The following LPP variants were observed in gnomAD, a reference collection of about 807,000 sequenced individuals.
LPP encodes lipoma-preferred partner.
A neutral mutation model predicts 60.4 loss-of-function variants in LPP; 38 were observed. The ratio of observed to expected loss-of-function variants is 0.63; its 90% CI spans 0.49 to 0.83. The LOEUF (loss-of-function observed/expected upper bound fraction) is 0.83, where lower values mean the gene tolerates loss of function less well. Ranked by LOEUF, LPP falls within the 40% of genes least tolerant of loss-of-function variation. The probability of loss-of-function intolerance (pLI) is 0.00; values close to 1 mark genes in which losing one functional copy is unlikely to be tolerated. For missense variants in LPP, 902 were observed against 783.6 expected, an observed-to-expected ratio of 1.15 and a Z score of -1.80; for synonymous variants, 328 against 290.8, an observed-to-expected ratio of 1.13 and a Z score of -1.30.
intron 6 of LPP, among the ~76,000 whole-genome samples, chr3:188,586,813 C>T (rs1368613231): frequency 1.3e-5 from 2 of 151,508 alleles, no homozygotes; most frequent in East Asian, 1.9e-4. Flanking sequence ...CTGCAACCTC[C>T]ACCTCCTGGG....
chr3:188,701,453 A>G (rs1446553915), intron 7 of LPP, among the ~76,000 whole-genome samples: 1 of 152,248 alleles, frequency 6.6e-6, no homozygotes, highest in African/African-American at 2.4e-5. Flanking sequence ...TCAATTTCCC[A>G]TGACTTTCAA....
intron 3 of LPP, among the ~76,000 whole-genome samples, chr3:188,378,979 G>A (rs1362422754): frequency 7.9e-5 from 12 of 152,116 alleles, no homozygotes; most frequent in Admixed American, 1.3e-4. Context: ...GTGTGGGCAG[G>A]GCCACTGCTT....
At position 188,324,077 on chromosome 3, in the gene LPP, A is replaced by G. The variant is rs1477929226; in HGVS notation, c.-66-17586A>G. On this transcript the variant is annotated intron_variant, in intron 2 of 11. Transcript: ENST00000617246. ...TATCTATAACTACAATAATTTCCCT[A>G]GCCTTATTTTATAGGGATAGGTTGT... Among the ~76,000 whole-genome samples, 4 of 152,298 alleles carry G rather than the reference A, an allele frequency of 2.6e-5. No homozygotes were observed. In the East Asian group the frequency reaches 7.7e-4, roughly 29 times the overall value.
chr3:188,355,017 T>C (rs1308662687), intron 3 of LPP, among the ~76,000 whole-genome samples: 2 of 152,186 alleles, frequency 1.3e-5, no homozygotes, highest in Non-Finnish European at 2.9e-5. Flanking sequence ...TTGTTTTTTC[T>C]TTTTTGTTTT....
intron 1 of LPP, among the ~76,000 whole-genome samples, chr3:188,205,684 G>A (rs754249165): frequency 2.0e-5 from 3 of 152,174 alleles, no homozygotes; most frequent in Non-Finnish European, 4.4e-5. Context: ...AAAATGCAGA[G>A]CTGCTTGTTA....
intron 9 of LPP, 97 bp from the exon 10 acceptor site, chr3:188,866,103 A>T: frequency 1.0e-6 from 1 of 977,168 alleles, no homozygotes; most frequent in Non-Finnish European, 1.4e-6. Flanking sequence ...GAGTGGTGTG[A>T]TAAGGACCTG....
At chr3:188,305,707 G>A (rs1577983595) in intron 2 of LPP, among the ~76,000 whole-genome samples, 1 of 152,192 alleles carries the variant, frequency 6.6e-6, no homozygotes, top group African/African-American at 2.4e-5. Flanking sequence ...AAGAGGAGCA[G>A]GTTTTATTGT....
chr3:188,423,661 C>T (rs1788488980), intron 4 of LPP, among the ~76,000 whole-genome samples: 1 of 152,198 alleles, frequency 6.6e-6, no homozygotes, highest in African/African-American at 2.4e-5. Flanking sequence ...GATGGTATCT[C>T]ACTGTGGTTT....
chr3:188,577,744 TGTTCCTTC>T (rs71169008), intron 6 of LPP, among the ~76,000 whole-genome samples: 2 of 41,428 alleles, frequency 4.8e-5, no homozygotes, highest in African/African-American at 1.1e-4. Flanking sequence ...TTCCTTCCTT[TGTTCCTTC>T]GTTCCTTCGT....
chr3:188,396,520 C>A (rs1037338645), intron 3 of LPP, among the ~76,000 whole-genome samples: 1 of 152,158 alleles, frequency 6.6e-6, no homozygotes, highest in Non-Finnish European at 1.5e-5. Flanking sequence ...AACTTGCAGA[C>A]TTACACAGTT....
At position 188,495,082 on chromosome 3, in the gene LPP, A is replaced by ATATTTT. The variant is rs1342207321; in HGVS notation, c.306+10379_306+10380insATTTTT. Among the ~76,000 whole-genome samples, 721 of 97,246 alleles carry ATATTTT rather than the reference A, an allele frequency of 7.4e-3. 42 individuals are homozygous for ATATTTT. Among genetic ancestry groups the ATATTTT allele is most frequent in the African/African-American group, 0.028 (701 of 25,084 alleles). 63.8% of individuals were successfully genotyped at this position (97,246 alleles called of 152,430 possible). ...CAGGATTTTATATATATATATATAT[A>ATATTTT]TTTTATTTATATTTTATTATATATT... On this transcript the variant is annotated intron_variant, in intron 5 of 11. Transcript: ENST00000617246.
chr3:188,765,881 T>C (rs1441262197), intron 9 of LPP, among the ~76,000 whole-genome samples: 3 of 142,268 alleles, frequency 2.1e-5, no homozygotes, highest in Non-Finnish European at 4.6e-5. Context: ...TTTTTTTTTT[T>C]TTTTTTGGAG....
intron 2 of LPP, among the ~76,000 whole-genome samples, chr3:188,294,784 A>G (rs1747280768): frequency 6.6e-6 from 1 of 152,240 alleles, no homozygotes; most frequent in Non-Finnish European, 1.5e-5. Context: ...ATAAAGATGT[A>G]CAGCTAGAAA....
intron 11 of LPP, 27 bp from the exon 12 acceptor site, chr3:188,874,324 C>G (rs769629299): frequency 1.3e-6 from 2 of 1,595,290 alleles, no homozygotes; most frequent in Non-Finnish European, 8.6e-7. Flanking sequence ...TTACTTATGT[C>G]GTTTCCATCT....
At chr3:188,505,703 A>G (rs570363237) in intron 5 of LPP, among the ~76,000 whole-genome samples, 96 of 152,294 alleles carry the variant, frequency 6.3e-4, no homozygotes, top group African/African-American at 2.0e-3. Context: ...TTGTATATCT[A>G]TCACCAAGGC....
intron 9 of LPP, among the ~76,000 whole-genome samples, chr3:188,790,990 CA>C (rs1359180577): frequency 2.0e-5 from 3 of 151,606 alleles, no homozygotes; most frequent in African/African-American, 7.3e-5. Flanking sequence ...TATGTGACTT[CA>C]AAAGTCAAAA....
At chr3:188,448,894 C>G (rs920027636) in intron 4 of LPP, among the ~76,000 whole-genome samples, 1 of 152,164 alleles carries the variant, frequency 6.6e-6, no homozygotes, top group Non-Finnish European at 1.5e-5. Context: ...AGAAATGTGT[C>G]TTTTTAAACT....
At chr3:188,867,666 G>A (rs1767021357) in intron 10 of LPP, among the ~76,000 whole-genome samples, 1 of 152,068 alleles carries the variant, frequency 6.6e-6, no homozygotes, top group African/African-American at 2.4e-5. Flanking sequence ...ATATTTTTAA[G>A]AACTGTACTA....
chr3:188,564,777 C>A (rs540470087), intron 6 of LPP, among the ~76,000 whole-genome samples: 32 of 151,928 alleles, frequency 2.1e-4, no homozygotes, highest in Non-Finnish European at 3.8e-4. Flanking sequence ...TTTGTCATTC[C>A]TCAGAAATAA....
Sources: allele counts gnomAD v4.1 joint callset (sites outside exome capture counted in the v4.1 genomes callset), GRCh38; gene constraint gnomAD v4.1.1; transcripts MANE v1.5; gene names NCBI Gene and HGNC (gene_info 2026-07-23, HGNC 2026-07-21).